RRH: variants seen among roughly 807,000 people sequenced by gnomAD.
The protein encoded by RRH is visual pigment-like receptor peropsin.
RRH carries 36 observed loss-of-function variants against 33.1 expected under a neutral mutation model. The ratio of observed to expected loss-of-function variants is 1.09; its 90% CI spans 0.83 to 1.44. The LOEUF (loss-of-function observed/expected upper bound fraction) is 1.44, where lower values mean the gene tolerates loss of function less well. Ranked by LOEUF, RRH falls within the 40% of genes most tolerant of loss-of-function variation. RRH has a pLI of 0.00. For missense variants in RRH, 393 were observed against 420.2 expected (o/e 0.94, Z 0.57); for synonymous variants, 124 against 140.2 (o/e 0.88, Z 0.82).
chr4:109,832,852 T>A (rs572303226), intron 1 of RRH, among the ~76,000 whole-genome samples: 42 of 152,200 alleles, frequency 2.8e-4, no homozygotes, highest in African/African-American at 9.9e-4. Context: ...TGAAAGCCAA[T>A]GAAGGAGTTT....
intron 5 of RRH, among the ~76,000 whole-genome samples, chr4:109,841,346 C>G (rs993566078): frequency 1.1e-4 from 16 of 152,074 alleles, no homozygotes; most frequent in African/African-American, 3.9e-4. Context: ...TACAGGTACC[C>G]CTCTTTTCAA....
chr4:109,844,157 T>G lies in RRH; in HGVS notation c.974T>G (p.Met325Arg), dbSNP rs2125894976. ...QTMPVTSILPMDVSQNPLASG... is the reference protein window; with the variant it reads ...QTMPVTSILPRDVSQNPLASG... ...ATGCCTGTGACAAGTATTTTACCCA[T>G]GGATGTATCTCAAAACCCATTGGCT... is the stretch of plus-strand genomic sequence containing the variant. The change falls in exon 7 of 7, where the codon ATG (methionine) becomes AGG (arginine). Residue 325 changes from methionine (M) to arginine (R), a missense_variant. By Grantham distance (91) the Met-to-Arg change is moderately conservative (BLOSUM62 -1). Coordinates refer to ENST00000317735, the MANE Select transcript of RRH (RefSeq NM_006583.5). 1 of 1,613,564 alleles carries G rather than the reference T, an allele frequency of 6.2e-7. No homozygotes were observed. The highest frequency in any genetic ancestry group is 1.7e-4 in the Middle Eastern group (1 of 6,060).
At chr4:109,840,161 T>C (rs1733959764) in intron 5 of RRH, among the ~76,000 whole-genome samples, 1 of 152,176 alleles carries the variant, frequency 6.6e-6, no homozygotes, top group South Asian at 2.1e-4. Flanking sequence ...GCAGCTATTC[T>C]GACTGGTATG....
At chr4:109,832,903 G>A (rs1733789099) in intron 1 of RRH, among the ~76,000 whole-genome samples, 1 of 152,110 alleles carries the variant, frequency 6.6e-6, no homozygotes, top group Admixed American at 6.5e-5. Flanking sequence ...TAAAACCAAC[G>A]TTCAGTGCTG....
Position 109,837,524 on chromosome 4 carries a change from G to C in RRH, c.639G>C (p.Thr213=), listed in dbSNP as rs1401947198. The part of the protein sequence containing the change: ...TVMFYCYYHV[T]LSIKHHTTSD... ...TGTTTTACTGCTATTACCATGTCAC[G>C]CTATCCATTAAACATCACACTACCA... The change falls in exon 5 of 7, where the codon ACG becomes ACC. Residue 213 remains threonine (T), a synonymous_variant. Coordinates refer to ENST00000317735, the MANE Select transcript of RRH (RefSeq NM_006583.5). 1 of 1,612,954 alleles carries C rather than the reference G, an allele frequency of 6.2e-7. No individual in the cohort carries two copies.
chr4:109,830,122 G>A (rs546518814), intron 1 of RRH, among the ~76,000 whole-genome samples: 36 of 152,254 alleles, frequency 2.4e-4, no homozygotes, highest in South Asian at 1.2e-3. Flanking sequence ...CAGACATTTT[G>A]TTAATTTAGT....
intron 1 of RRH, among the ~76,000 whole-genome samples, chr4:109,831,860 T>C (rs922686776): frequency 6.6e-6 from 1 of 152,104 alleles, no homozygotes; most frequent in African/African-American, 2.4e-5. Context: ...GTCTATGTTA[T>C]AGCAAGCTGA....
chr4:109,828,509 A>C (rs948976452), intron 1 of RRH, among the ~76,000 whole-genome samples: 1 of 152,036 alleles, frequency 6.6e-6, no homozygotes, highest in African/African-American at 2.4e-5. Context: ...ATTGGAGAAG[A>C]GTATGCACCA....
At chr4:109,836,891 C>CAAA (rs56989659) in intron 4 of RRH, among the ~76,000 whole-genome samples, 23 of 84,360 alleles carry the variant, frequency 2.7e-4, no homozygotes, top group Admixed American at 5.4e-4. Flanking sequence ...CCTGTCTCTA[C>CAAA]AAAAAAAAAA....
intron 6 of RRH, 97 bp from the exon 7 acceptor site, chr4:109,843,986 T>A (rs1674793962): frequency 2.6e-6 from 2 of 780,826 alleles, no homozygotes; most frequent in Non-Finnish European, 4.5e-6. Flanking sequence ...TCCAGAGATG[T>A]AAATTGGCAG....
At chr4:109,843,996 G>T in intron 6 of RRH, 87 bp from the exon 7 acceptor site, 1 of 836,712 alleles carries the variant, frequency 1.2e-6, no homozygotes, top group Non-Finnish European at 2.1e-6. Flanking sequence ...TAAATTGGCA[G>T]TAGTGGCATC....
intron 4 of RRH, among the ~76,000 whole-genome samples, chr4:109,836,962 C>A (rs1733898993): frequency 6.7e-6 from 1 of 150,078 alleles, no homozygotes; most frequent in East Asian, 2.0e-4. Flanking sequence ...GTGGTGTATG[C>A]CTGTGGTCTC....
intron 5 of RRH, 40 bp from the exon 6 acceptor site, chr4:109,842,429 T>C: frequency 6.4e-7 from 1 of 1,560,764 alleles, no homozygotes; most frequent in Non-Finnish European, 8.8e-7. Flanking sequence ...TATTTAAATA[T>C]TTTAGGTATT....
chr4:109,835,427 C>A lies in RRH; in HGVS notation c.359C>A (p.Ala120Asp). The A allele has an allele frequency of 1.2e-6, 2 of 1,614,042 alleles. No individual in the cohort carries two copies. Among genetic ancestry groups the A allele is most frequent in the Non-Finnish European group, 1.7e-6 (2 of 1,179,940 alleles). ...AGCATTGGATTACTCACGGTCGTGG[C>A]TGTGGACCGATACCTGACCATCTGC... ...MASIGLLTVV[A>D]VDRYLTICLP... Residue 120 changes from alanine (A) to aspartate (D), a missense_variant, in exon 3 of 7, where the codon GCT (alanine) becomes GAT (aspartate). Physicochemically the swap from Ala to Asp is moderately radical, Grantham distance 126. Transcript: ENST00000317735.
chr4:109,844,911 A>G lies in RRH; in HGVS notation c.*714A>G, dbSNP rs1243032145. Among the ~76,000 whole-genome samples the G allele has an allele frequency of 6.6e-6, 1 of 152,178 alleles. No individual in the cohort carries two copies. Among genetic ancestry groups the G allele is most frequent in the Admixed American group, 6.5e-5 (1 of 15,276 alleles). ...TACCCAATTCTGTCTGGCATGTAGT[A>G]GGCACTCAATAAATATTTTTTCAAT... On this transcript the variant is annotated 3_prime_UTR_variant, in exon 7 of 7. Transcript: ENST00000317735.
At chr4:109,842,022 C>T (rs1263487150) in intron 5 of RRH, among the ~76,000 whole-genome samples, 7 of 151,976 alleles carry the variant, frequency 4.6e-5, no homozygotes, top group Non-Finnish European at 1.0e-4. Flanking sequence ...TAGAAAGTTA[C>T]TTTTGTTAAT....
chr4:109,835,454 T>C lies in RRH; in HGVS notation c.386T>C (p.Leu129Pro), dbSNP rs1733860825. The C allele has an allele frequency of 1.2e-6, 2 of 1,612,450 alleles. No homozygotes were observed. The highest frequency in any genetic ancestry group is 2.2e-5 in the South Asian group (2 of 91,054). The change falls in exon 3 of 7, where the codon CTT (leucine) becomes CCT (proline). Residue 129 changes from leucine (L) to proline (P), a missense_variant. Coordinates refer to ENST00000317735, the MANE Select transcript of RRH (RefSeq NM_006583.5). The stretch of plus-strand genomic sequence containing the variant: ...GTGGACCGATACCTGACCATCTGCC[T>C]TCCTGACGTAGGTACAACACTTTTC... ...VAVDRYLTIC[L>P]PDVGRRMTTN...
chr4:109,838,225 T>C (rs1244735327), intron 5 of RRH, among the ~76,000 whole-genome samples: 1 of 152,204 alleles, frequency 6.6e-6, no homozygotes, highest in Non-Finnish European at 1.5e-5. Flanking sequence ...CACCTTTCTC[T>C]CTCCTTACCT....
intron 5 of RRH, among the ~76,000 whole-genome samples, chr4:109,838,136 GTCA>G (rs201090179): frequency 0.018 from 2,715 of 152,130 alleles, 78 homozygotes; most frequent in African/African-American, 0.061. Flanking sequence ...ATTTTTGTTG[GTCA>G]TCATCTCTTG....
Sources: gnomAD v4.1 joint callset for allele counts (sites outside exome capture counted in the v4.1 genomes callset) on GRCh38, gnomAD v4.1.1 for gene constraint, MANE v1.5 for transcripts, NCBI Gene and HGNC (gene_info 2026-07-23, HGNC 2026-07-21) for gene names.